The following DCTN1 variants were observed in gnomAD, a reference collection of about 807,000 sequenced individuals.
The protein encoded by DCTN1 is dynactin subunit 1, also known as 150 kDa dynein-associated polypeptide.
Under a neutral mutation model 161.2 loss-of-function variants are expected in DCTN1, and 61 were observed. The ratio of observed to expected loss-of-function variants is 0.38; its 90% CI spans 0.31 to 0.47. The LOEUF (loss-of-function observed/expected upper bound fraction) is 0.47, where lower values mean the gene tolerates loss of function less well. Among genes scored for constraint, DCTN1 ranks in the 20% least tolerant of loss-of-function variants. The probability of loss-of-function intolerance (pLI) is 0.99; values close to 1 mark genes in which losing one functional copy is unlikely to be tolerated. For missense variants in DCTN1, 1,404 were observed against 1,623.7 expected (o/e 0.86, Z 2.33); for synonymous variants, 653 against 632.4 (o/e 1.03, Z -0.49).
chr2:74,371,560 G>C lies in DCTN1; in HGVS notation c.622C>G (p.Pro208Ala), dbSNP rs770302677. 2 of 1,581,036 alleles carry C rather than the reference G, an allele frequency of 1.3e-6. No individual in the cohort carries two copies. The highest frequency in any genetic ancestry group is 2.7e-5 in the African/African-American group (2 of 74,332). Residue 208 changes from proline to alanine, a missense_variant, in exon 8 of 32, where the codon CCC becomes GCC. Pro to Ala is a conservative substitution (Grantham distance 27). Coordinates refer to ENST00000628224, the MANE Select transcript of DCTN1 (RefSeq NM_004082.5). Reference protein sequence around the residue: ...TPVLTSPGAVPPLPSPSKEEE... With the variant: ...TPVLTSPGAVAPLPSPSKEEE... ...ACCTTGGATGGGGAAGGAAGCGGGG[G>C]GACTGCTCCAGGAGAGGTGAGGACC...
chr2:74,373,535 C>G (rs986843331), intron 6 of DCTN1, among the ~76,000 whole-genome samples: 3 of 152,154 alleles, frequency 2.0e-5, no homozygotes, highest in African/African-American at 7.2e-5. Flanking sequence ...TGCAGCAGTC[C>G]CGATCACTAG....
In DCTN1 at chr2:74,367,413, T is replaced by G. The variant is rs1246985124; in HGVS notation, c.2192A>C (p.Tyr731Ser). The change falls in exon 19 of 32, where the codon TAC (tyrosine) becomes TCC (serine). Residue 731 changes from tyrosine (Y) to serine (S), a missense_variant. Tyr to Ser is a moderately radical substitution (Grantham distance 144). Transcript: ENST00000628224. ...AGGCTGTTCGGCAAGGTGGATGCTGTACAGATGCTGAGGAGAGATAACAGA... is the reference window on the plus strand; with the variant it reads ...AGGCTGTTCGGCAAGGTGGATGCTGGACAGATGCTGAGGAGAGATAACAGA... Reference protein sequence around the residue: ...TKAIKYYQHLYSIHLAEQPED... With the variant: ...TKAIKYYQHLSSIHLAEQPED... 3.1e-6 allele frequency: 5 copies of G among 1,614,104 alleles called. No homozygotes were observed. Among genetic ancestry groups the G allele is most frequent in the Non-Finnish European group, 4.2e-6 (5 of 1,180,016 alleles).
At chr2:74,382,150 G>C (rs768813164), upstream of DCTN1, among the ~76,000 whole-genome samples, 11 of 152,162 alleles carry the variant, frequency 7.2e-5, no homozygotes, top group Non-Finnish European at 1.5e-4. Flanking sequence ...AAATTCAAAA[G>C]AGCTCAGATC....
intron 1 of DCTN1, chr2:74,391,636 G>A (rs1676004578): frequency 5.5e-6 from 2 of 363,912 alleles, no homozygotes; most frequent in Non-Finnish European, 1.1e-5. Flanking sequence ...CCGGCCTCGG[G>A]GCAAACGCTC....
At chr2:74,376,205 T>A (rs1391631504) in intron 5 of DCTN1, among the ~76,000 whole-genome samples, 1 of 152,062 alleles carries the variant, frequency 6.6e-6, no homozygotes, top group Non-Finnish European at 1.5e-5. Flanking sequence ...GACAGACTGA[T>A]GGGGCAGAGT....
intron 30 of DCTN1, 136 bp from the exon 31 acceptor site, chr2:74,362,277 C>T: frequency 1.3e-6 from 1 of 745,468 alleles, no homozygotes. Context: ...CTTTTGCTCT[C>T]ATCTCCAACC....
chr2:74,374,641 C>T, intron 5 of DCTN1: 1 of 1,221,704 alleles, frequency 8.2e-7, no homozygotes, highest in South Asian at 1.6e-5. Context: ...GCCCAGTTCA[C>T]CAGCTTAGGC....
rs780631108 is a variant in DCTN1, at chr2:74,370,089, G to A, written c.1288-20C>T. 1.2e-6 allele frequency: 2 copies of A among 1,614,036 alleles called. No homozygotes were observed. The highest frequency in any genetic ancestry group is 1.3e-5 in the African/African-American group (1 of 74,926). ...ATCCACCTGTGTTACGGGGAGGATAGGGAGAAGGGCTGCTGGAAGGTACCT... is the reference window on the plus strand; with the variant it reads ...ATCCACCTGTGTTACGGGGAGGATAAGGAGAAGGGCTGCTGGAAGGTACCT... On this transcript the variant is annotated intron_variant, in intron 12 of 31. Transcript: ENST00000628224. The surrounding 1 kb of genome is among the most constrained non-coding windows in gnomAD (Gnocchi z 4.4).
At chr2:74,364,988 G>T in intron 26 of DCTN1, 87 bp downstream of exon 26, 1 of 1,561,034 alleles carries the variant, frequency 6.4e-7, no homozygotes, top group Non-Finnish European at 8.8e-7. Context: ...GGGGGTAAGG[G>T]GGGTGGGGCA....
chr2:74,373,706 T>C (rs1309213306), intron 6 of DCTN1, among the ~76,000 whole-genome samples: 1 of 152,198 alleles, frequency 6.6e-6, no homozygotes, highest in African/African-American at 2.4e-5. Context: ...AGTGGACAAT[T>C]AACTCCAATT....
chr2:74,366,795 G>A lies in DCTN1; in HGVS notation c.2454C>T (p.Ala818=), dbSNP rs766673794. The stretch of plus-strand genomic sequence containing the variant: ...TGCAGCCTTAAACCTGTGGTCCAAA[G>A]GCCAGTGCAGCTGGGATCCCAGGAG... ...TDAPGIPAAL[A]FGPQVSDTLL... Residue 818 remains alanine, a synonymous_variant, in exon 21 of 32, where the codon GCC becomes GCT. Coordinates refer to ENST00000628224, the MANE Select transcript of DCTN1 (RefSeq NM_004082.5). 2 of 1,614,222 alleles carry A rather than the reference G, an allele frequency of 1.2e-6. No homozygotes were observed. Among genetic ancestry groups the A allele is most frequent in the East Asian group, 4.5e-5 (2 of 44,888 alleles).
intron 1 of DCTN1, among the ~76,000 whole-genome samples, chr2:74,389,097 G>A (rs1445773754): frequency 6.6e-6 from 1 of 152,100 alleles, no homozygotes; most frequent in African/African-American, 2.4e-5. Context: ...CAAATCTCCT[G>A]GGAAACAGCA....
chr2:74,363,346 G>A lies in DCTN1; in HGVS notation c.3293C>T (p.Ser1098Phe). Residue 1098 changes from serine (S) to phenylalanine (F), a missense_variant, in exon 28 of 32, where the codon TCT becomes TTT. Around this residue, in one of 9 missense-constraint regions of DCTN1, gnomAD observed 311 missense variants for 298.9 expected, o/e 1.04. Transcript: ENST00000628224. ...CTGGGAGATGTGCAGCCTCATGGCA[G>A]AGATCTGCTGAAGCAGCAGTGGTGA... ...KDSPLLLQQI[S>F]AMRLHISQLQ... 4.3e-6 allele frequency: 7 copies of A among 1,613,068 alleles called. No homozygotes were observed. Among genetic ancestry groups the A allele is most frequent in the South Asian group, 1.1e-5 (1 of 90,762 alleles).
At chr2:74,367,641 C>T (rs758042207) in intron 18 of DCTN1, 55 bp downstream of exon 18, 8 of 1,611,478 alleles carry the variant, frequency 5.0e-6, no homozygotes, top group Non-Finnish European at 3.4e-6. Flanking sequence ...TAAGAGCCCC[C>T]ATCAAGTGAA....
chr2:74,369,504 A>ACC lies in DCTN1; in HGVS notation c.1393-15_1393-14dup. ...CATTCATCGCTTCCTAGGACACCAC[A>ACC]CCATAGTTTGGGCTAAAGAAAGGCA... On this transcript the variant is annotated splice_polypyrimidine_tract_variant and intron_variant, in intron 13 of 31. Transcript: ENST00000628224. This position sits in a 1 kb window ranked among gnomAD's most constrained non-coding sequence, Gnocchi z 4.9. The ACC allele has an allele frequency of 6.2e-7, 1 of 1,610,602 alleles. No homozygotes were observed. The highest frequency in any genetic ancestry group is 8.5e-7 in the Non-Finnish European group (1 of 1,179,910).
At position 74,376,778 on chromosome 2, in the gene DCTN1, GA is replaced by G. The variant is rs771736182; in HGVS notation, c.394-17del. 1.9e-6 allele frequency: 3 copies of G among 1,601,582 alleles called. No homozygotes were observed. Among genetic ancestry groups the G allele is most frequent in the Non-Finnish European group, 2.6e-6 (3 of 1,174,018 alleles). On this transcript the variant is annotated splice_polypyrimidine_tract_variant and intron_variant, in intron 4 of 31. Transcript: ENST00000628224. ...TCAGTCCCCGCTGCATGAGGAGTAGGAAAGGGCAGAGTTAGAGAACAGATGT... is the reference window on the plus strand; with the variant it reads ...TCAGTCCCCGCTGCATGAGGAGTAGGAAGGGCAGAGTTAGAGAACAGATGT...
At chr2:74,374,615 A>C in intron 5 of DCTN1, 1 of 1,252,012 alleles carries the variant, frequency 8.0e-7, no homozygotes, top group Non-Finnish European at 1.0e-6. Context: ...TCCGGCAGGC[A>C]CCGGAGCGGT....
intron 5 of DCTN1, among the ~76,000 whole-genome samples, chr2:74,375,407 G>T (rs906870567): frequency 2.6e-5 from 4 of 152,180 alleles, no homozygotes; most frequent in African/African-American, 9.7e-5. Context: ...TACTGGAGAG[G>T]AAGACTGGGG....
At chr2:74,373,498 C>G (rs183010383) in intron 6 of DCTN1, 43 of 184,284 alleles carry the variant, frequency 2.3e-4, no homozygotes, top group Non-Finnish European at 4.2e-4. Context: ...CCTCCCTCCC[C>G]CAACCCCCTT....
Sources: allele counts gnomAD v4.1 joint callset (sites outside exome capture counted in the v4.1 genomes callset), GRCh38; gene constraint gnomAD v4.1.1; regional missense constraint gnomAD v4.1.1; non-coding constraint Gnocchi (gnomAD v3.1); transcripts MANE v1.5; gene names NCBI Gene and HGNC (gene_info 2026-07-23, HGNC 2026-07-21).